Variants in DPYD observed in about 807,000 individuals in gnomAD.
The protein encoded by DPYD is dihydropyrimidine dehydrogenase [NADP(+)].
A neutral mutation model predicts 116.2 loss-of-function variants in DPYD; 109 were observed. The ratio of observed to expected loss-of-function variants is 0.94; its 90% CI spans 0.80 to 1.10. The LOEUF is 1.10. Ranked by LOEUF, DPYD falls within the 50% of genes least tolerant of loss-of-function variation. The pLI, the probability that DPYD is intolerant of heterozygous loss-of-function variation, is 0.00. For missense variants in DPYD, 1,302 were observed against 1,254.5 expected (o/e 1.04, Z -0.57); for synonymous variants, 440 against 432.0 (o/e 1.02, Z -0.23).
At position 97,114,605 on chromosome 1, in the gene DPYD, CCTTAGAGA is replaced by C. The variant is rs146606844; in HGVS notation, c.2623-15981_2623-15974del. 8.2e-4 allele frequency among the ~76,000 whole-genome samples: 124 copies of C among 152,016 alleles called. 1 individual carries two copies. In the East Asian group the frequency reaches 0.022, roughly 27 times the overall value. On this transcript the variant is annotated intron_variant, in intron 20 of 22. Transcript: ENST00000370192. ...TGCAGGGGTTAATTCTGGCACTGCC[CCTTAGAGA>C]TATTTTTCTAGGGCAGAATGAGCCA...
At chr1:97,575,406 G>T (rs1218880979) in intron 10 of DPYD, among the ~76,000 whole-genome samples, 3 of 152,008 alleles carry the variant, frequency 2.0e-5, no homozygotes, top group Admixed American at 6.6e-5. Context: ...ATCATAGCAG[G>T]GAGGATTAAG....
At chr1:97,522,714 T>C (rs1030188750) in intron 12 of DPYD, among the ~76,000 whole-genome samples, 2 of 119,554 alleles carry the variant, frequency 1.7e-5, no homozygotes, top group Non-Finnish European at 3.5e-5. Flanking sequence ...TGAGACTCTG[T>C]CTCAAAAAAA....
chr1:97,512,580 T>G (rs985350605), intron 13 of DPYD, among the ~76,000 whole-genome samples: 6 of 151,870 alleles, frequency 4.0e-5, no homozygotes, highest in African/African-American at 1.4e-4. Context: ...ATGGACAAAA[T>G]TAATGAAAAC....
chr1:97,716,148 A>C (rs1434915620), intron 5 of DPYD, among the ~76,000 whole-genome samples: 2 of 152,040 alleles, frequency 1.3e-5, no homozygotes, highest in Non-Finnish European at 2.9e-5. Context: ...AACACTTGAC[A>C]TTTTTAATTG....
intron 11 of DPYD, among the ~76,000 whole-genome samples, chr1:97,564,838 T>C (rs1652403637): frequency 6.6e-6 from 1 of 152,166 alleles, no homozygotes; most frequent in Non-Finnish European, 1.5e-5. Flanking sequence ...TCCTTTAACT[T>C]GTCTTTCTTA....
At chr1:97,901,622 G>T (rs1673373134) in intron 1 of DPYD, among the ~76,000 whole-genome samples, 1 of 151,718 alleles carries the variant, frequency 6.6e-6, no homozygotes, top group Non-Finnish European at 1.5e-5. Context: ...GAAAATAAAA[G>T]TTGGGATAGA....
At position 97,508,958 on chromosome 1, in the gene DPYD, A is replaced by G. The variant is rs539626889; in HGVS notation, c.1740+6768T>C. Among the ~76,000 whole-genome samples the G allele has an allele frequency of 4.6e-5, 7 of 152,054 alleles. No individual in the cohort carries two copies. In the South Asian group the frequency reaches 1.2e-3, roughly 27 times the overall value. ...GACAACTTGTGAACAAGTCCAGTGTAGTCTCTTTGAAGATAAGACCATACG... is the reference window on the plus strand; with the variant it reads ...GACAACTTGTGAACAAGTCCAGTGTGGTCTCTTTGAAGATAAGACCATACG... On this transcript the variant is annotated intron_variant, in intron 13 of 22. Coordinates refer to ENST00000370192, the MANE Select transcript of DPYD (RefSeq NM_000110.4).
intron 18 of DPYD, among the ~76,000 whole-genome samples, chr1:97,268,035 C>T (rs950763214): frequency 6.6e-6 from 1 of 152,110 alleles, no homozygotes; most frequent in African/African-American, 2.4e-5. Flanking sequence ...GATAGACATT[C>T]CCGTTCCAAA....
At chr1:97,445,882 T>A (rs1024063002) in intron 14 of DPYD, among the ~76,000 whole-genome samples, 1 of 151,960 alleles carries the variant, frequency 6.6e-6, no homozygotes, top group African/African-American at 2.4e-5. Context: ...CCTGCCACCA[T>A]GCCTGACTAA....
intron 18 of DPYD, among the ~76,000 whole-genome samples, chr1:97,267,427 A>G (rs1191911583): frequency 6.6e-6 from 1 of 152,126 alleles, no homozygotes; most frequent in African/African-American, 2.4e-5. Flanking sequence ...TTACAGTTTC[A>G]GATTGAAGAT....
intron 2 of DPYD, among the ~76,000 whole-genome samples, chr1:97,872,250 C>G (rs888818413): frequency 6.6e-6 from 1 of 151,904 alleles, no homozygotes. Context: ...ACATACCTTA[C>G]ACAGGGGAAA....
intron 13 of DPYD, among the ~76,000 whole-genome samples, chr1:97,470,158 T>C (rs1344264344): frequency 6.6e-6 from 1 of 152,156 alleles, no homozygotes; most frequent in Non-Finnish European, 1.5e-5. Flanking sequence ...AATCATTTTT[T>C]TGATATGATG....
At chr1:97,904,909 T>A (rs1218875588) in intron 1 of DPYD, among the ~76,000 whole-genome samples, 1 of 151,980 alleles carries the variant, frequency 6.6e-6, no homozygotes, top group Non-Finnish European at 1.5e-5. Context: ...TTGCCATGGG[T>A]ATTAAAAGGC....
At chr1:97,688,143 A>G (rs545374627) in intron 7 of DPYD, among the ~76,000 whole-genome samples, 1 of 152,354 alleles carries the variant, frequency 6.6e-6, no homozygotes, top group South Asian at 2.1e-4. Flanking sequence ...AAAATAAAAT[A>G]AAACTAAATT....
intron 13 of DPYD, 25 bp downstream of exon 13, chr1:97,515,701 T>C (rs756447002): frequency 1.9e-6 from 3 of 1,596,494 alleles, no homozygotes; most frequent in South Asian, 1.1e-5. Flanking sequence ...GACATTTCTA[T>C]ATGACTTCAA....
chr1:97,778,138 A>G (rs1350882588), intron 3 of DPYD, among the ~76,000 whole-genome samples: 2 of 138,560 alleles, frequency 1.4e-5, no homozygotes, highest in African/African-American at 5.4e-5. Context: ...AATCTGGGCA[A>G]CAGAGTAAGA....
intron 19 of DPYD, among the ~76,000 whole-genome samples, chr1:97,195,850 G>T (rs548886467): frequency 1.3e-5 from 2 of 150,710 alleles, no homozygotes; most frequent in Admixed American, 6.6e-5. Context: ...TAAGTCAGGC[G>T]CTGCAGAAAG....
At chr1:97,490,849 G>C (rs1477578738) in intron 13 of DPYD, among the ~76,000 whole-genome samples, 1 of 148,872 alleles carries the variant, frequency 6.7e-6, no homozygotes, top group African/African-American at 2.4e-5. Flanking sequence ...CCAAAAAACT[G>C]ATTTTCAAGC....
At chr1:97,443,846 G>A (rs1233963732) in intron 14 of DPYD, among the ~76,000 whole-genome samples, 3 of 152,210 alleles carry the variant, frequency 2.0e-5, no homozygotes, top group Non-Finnish European at 4.4e-5. Context: ...GCCTACTTTT[G>A]CAGAGGTAGT....
Sources: gnomAD v4.1 joint callset for allele counts (sites outside exome capture counted in the v4.1 genomes callset) on GRCh38, gnomAD v4.1.1 for gene constraint, MANE v1.5 for transcripts, NCBI Gene and HGNC (gene_info 2026-07-23, HGNC 2026-07-21) for gene names.